SLC8B1: variants seen among roughly 807,000 people sequenced by gnomAD.
SLC8B1 encodes the protein mitochondrial sodium/calcium exchanger protein.
Under a neutral mutation model 63.4 loss-of-function variants are expected in SLC8B1, and 52 were observed. The observed-to-expected ratio is 0.82, with a 90% CI of 0.66 to 1.03. SLC8B1 has a LOEUF of 1.03. Ranked by LOEUF, SLC8B1 falls within the 50% of genes least tolerant of loss-of-function variation. The pLI is 0.00. For synonymous variants in SLC8B1, 336 were observed against 323.9 expected (o/e 1.04, Z -0.40); for missense variants, 657 against 741.7 (o/e 0.89, Z 1.33).
At position 113,307,478 on chromosome 12, in the gene SLC8B1, G is replaced by A. The variant is rs554734394; in HGVS notation, c.1411+213C>T. ...CATCCCCGCATCAGAGGGTGGGGAA[G>A]AGGCAGGGGCCTCTATAGAGTTTCT... On this transcript the variant is annotated intron_variant, in intron 13 of 15. Transcript: ENST00000680972. Among the ~76,000 whole-genome samples the A allele has an allele frequency of 2.0e-5, 3 of 152,338 alleles. No individual in the cohort carries two copies. In the East Asian group the frequency reaches 5.8e-4, roughly 29 times the overall value.
rs563600262 is a variant in SLC8B1, at chr12:113,305,352, C to G, written c.1493-967G>C. Among the ~76,000 whole-genome samples the G allele has an allele frequency of 3.9e-4, 59 of 152,362 alleles. No homozygotes were observed. Among genetic ancestry groups the G allele is most frequent in the Non-Finnish European group, 7.5e-4 (51 of 68,018 alleles). Reference sequence around the variant, plus strand: ...TGTCTCCGCAGTTAGCCTGTTTTGCCGGCCAACTGCTCACACTGCAGCCCC... The same window carrying G: ...TGTCTCCGCAGTTAGCCTGTTTTGCGGGCCAACTGCTCACACTGCAGCCCC... On this transcript the variant is annotated intron_variant, in intron 14 of 15. Coordinates refer to ENST00000680972, the MANE Select transcript of SLC8B1 (RefSeq NM_001358345.2). This position sits in a 1 kb window ranked among gnomAD's most constrained non-coding sequence, Gnocchi z 4.3.
At chr12:113,312,163 G>A (rs1382047291) in intron 11 of SLC8B1, among the ~76,000 whole-genome samples, 10 of 152,218 alleles carry the variant, frequency 6.6e-5, no homozygotes, top group Middle Eastern at 3.4e-3. Flanking sequence ...GCTGGGTGCG[G>A]TGGCTCACAC....
intron 15 of SLC8B1, among the ~76,000 whole-genome samples, chr12:113,300,550 A>G (rs1395928793): frequency 6.6e-6 from 1 of 152,228 alleles, no homozygotes; most frequent in Non-Finnish European, 1.5e-5. Flanking sequence ...TGAGGGCACC[A>G]GCTGGGGGCC....
chr12:113,301,602 G>A (rs532818551), intron 15 of SLC8B1, among the ~76,000 whole-genome samples: 1 of 152,174 alleles, frequency 6.6e-6, no homozygotes, highest in African/African-American at 2.4e-5. Context: ...GCCTCCCAAA[G>A]TGCTGGGATT....
intron 2 of SLC8B1, among the ~76,000 whole-genome samples, chr12:113,330,020 A>G (rs1436950951): frequency 6.6e-6 from 1 of 152,128 alleles, no homozygotes; most frequent in African/African-American, 2.4e-5. Context: ...TTCATAAGCC[A>G]TTCAGGTCTC....
At chr12:113,334,316 A>C (rs992017119) in intron 1 of SLC8B1, 127 bp downstream of exon 1, 1 of 152,180 alleles carries the variant, frequency 6.6e-6, no homozygotes, top group Non-Finnish European at 1.5e-5. Context: ...ACCAAACCCC[A>C]TAAAAACGTT....
At chr12:113,314,330 A>G (rs1454986179) in intron 11 of SLC8B1, among the ~76,000 whole-genome samples, 1 of 152,266 alleles carries the variant, frequency 6.6e-6, no homozygotes, top group African/African-American at 2.4e-5. Context: ...ACACTGTTAC[A>G]GCACACAACA....
chr12:113,321,270 C>T lies in SLC8B1; in HGVS notation c.235G>A (p.Gly79Arg), dbSNP rs747316753. The T allele has an allele frequency of 1.9e-6, 3 of 1,614,134 alleles. No individual in the cohort carries two copies. The highest frequency in any genetic ancestry group is 1.1e-5 in the South Asian group (1 of 91,082). Residue 79 changes from glycine to arginine, a missense_variant, in exon 3 of 16, where the codon GGG (glycine) becomes AGG (arginine). Transcript: ENST00000680972. ...ATGCCTTCCAGGTAGTCCAGGTACC[C>T]CCCATCACTGTGGCAGTCAGGGTTG... ...RTNPDCHSDG[G>R]YLDYLEGIFC...
At position 113,320,861 on chromosome 12, in the gene SLC8B1, G is replaced by A. The variant is rs767543657; in HGVS notation, c.409C>T (p.His137Tyr). 2 of 1,605,232 alleles carry A rather than the reference G, an allele frequency of 1.2e-6. No individual in the cohort carries two copies. The highest frequency in any genetic ancestry group is 2.2e-5 in the East Asian group (1 of 44,564). The change falls in exon 5 of 16, where the codon CAC (histidine) becomes TAC (tyrosine). Residue 137 changes from histidine to tyrosine, a missense_variant. Coordinates refer to ENST00000680972, the MANE Select transcript of SLC8B1 (RefSeq NM_001358345.2). The surrounding 1 kb of genome is among the most constrained non-coding windows in gnomAD (Gnocchi z 5.3). The stretch of plus-strand genomic sequence containing the variant: ...GGACAAAAGGATACTGCCACGTTGT[G>A]GGAGAGCTTCAGTGTGGTAGAAATG... ...SAISTTLKLSHNVAGVTFLAF... is the reference protein window; with the variant it reads ...SAISTTLKLSYNVAGVTFLAF...
At chr12:113,312,510 G>A (rs138013748) in intron 11 of SLC8B1, among the ~76,000 whole-genome samples, 157 of 152,230 alleles carry the variant, frequency 1.0e-3, no homozygotes, top group African/African-American at 3.7e-3. Context: ...ATGGCTCTTG[G>A]GGGACGCCTA....
rs1183537633 is a variant in SLC8B1, at chr12:113,305,075, G to A, written c.1493-690C>T. Among the ~76,000 whole-genome samples the A allele has an allele frequency of 1.3e-5, 2 of 152,222 alleles. No homozygotes were observed. The highest frequency in any genetic ancestry group is 3.8e-4 in the East Asian group (2 of 5,198). On this transcript the variant is annotated intron_variant, in intron 14 of 15. Transcript: ENST00000680972. The surrounding 1 kb of genome is among the most constrained non-coding windows in gnomAD (Gnocchi z 4.3). ...CCTTAGGGTGCCAGGAATGCTTGGCGCATGTAAGCACTCAGTAGGTGGGGA... is the reference window on the plus strand; with the variant it reads ...CCTTAGGGTGCCAGGAATGCTTGGCACATGTAAGCACTCAGTAGGTGGGGA...
chr12:113,327,586 G>A (rs1957010588), intron 2 of SLC8B1, among the ~76,000 whole-genome samples: 1 of 151,640 alleles, frequency 6.6e-6, no homozygotes, highest in African/African-American at 2.4e-5. Context: ...TCAGGAGGCT[G>A]AGGCAGAATA....
Position 113,301,801 on chromosome 12 carries a change from G to T in SLC8B1, c.1558-1827C>A, listed in dbSNP as rs570107850. Among the ~76,000 whole-genome samples the T allele has an allele frequency of 9.8e-5, 15 of 152,326 alleles. 1 individual carries two copies. The South Asian group carries it at 3.1e-3, about 32-fold the overall frequency. On this transcript the variant is annotated intron_variant, in intron 15 of 15. Transcript: ENST00000680972. ...TCCATTTTACAGATGAGGAAACCAA[G>T]ACCCTTAGACTTGACTGACTTGTCC...
chr12:113,311,527 G>C (rs907488811), intron 11 of SLC8B1, among the ~76,000 whole-genome samples: 2 of 151,832 alleles, frequency 1.3e-5, no homozygotes, highest in African/African-American at 4.8e-5. Context: ...GGCTGAAGTG[G>C]GAGGATCACT....
chr12:113,311,651 A>G (rs1268476536), intron 11 of SLC8B1, among the ~76,000 whole-genome samples: 2 of 151,634 alleles, frequency 1.3e-5, no homozygotes, highest in African/African-American at 4.8e-5. Flanking sequence ...TGGGCTGAAT[A>G]CACAAAATTG....
chr12:113,307,119 A>G (rs1012180375), intron 13 of SLC8B1, among the ~76,000 whole-genome samples: 1 of 111,072 alleles, frequency 9.0e-6, no homozygotes, highest in African/African-American at 3.8e-5. Flanking sequence ...TCAAAAAAAA[A>G]AAAAAAAAAA....
chr12:113,320,243 A>T lies in SLC8B1; in HGVS notation c.694+88T>A. ...AATCAAATCAAAGCCCCCACTGACCACCCCTCACACCTCTCTGTCCCAGGC... is the reference window on the plus strand; with the variant it reads ...AATCAAATCAAAGCCCCCACTGACCTCCCCTCACACCTCTCTGTCCCAGGC... On this transcript the variant is annotated intron_variant, in intron 7 of 15. Coordinates refer to ENST00000680972, the MANE Select transcript of SLC8B1 (RefSeq NM_001358345.2). The surrounding 1 kb of genome is among the most constrained non-coding windows in gnomAD (Gnocchi z 5.3). 1 of 1,457,660 alleles carries T rather than the reference A, an allele frequency of 6.9e-7. No homozygotes were observed. Among genetic ancestry groups the T allele is most frequent in the South Asian group, 1.3e-5 (1 of 75,576 alleles). 90.3% of individuals were successfully genotyped at this position (1,457,660 alleles called of 1,614,324 possible).
intron 13 of SLC8B1, chr12:113,306,935 A>C: frequency 3.0e-6 from 1 of 334,664 alleles, no homozygotes; most frequent in Non-Finnish European, 5.4e-6. Flanking sequence ...ACATGATGAA[A>C]CCTTGTCTCT....
rs773604940 is a variant in SLC8B1, at chr12:113,310,312, C to G, written c.1179G>C (p.Val393=). 2 of 1,614,128 alleles carry G rather than the reference C, an allele frequency of 1.2e-6. No homozygotes were observed. Among genetic ancestry groups the G allele is most frequent in the East Asian group, 2.2e-5 (1 of 44,872 alleles). The change falls in exon 12 of 16, where the codon GTG becomes GTC. Residue 393 remains valine (V), a synonymous_variant. Coordinates refer to ENST00000680972, the MANE Select transcript of SLC8B1 (RefSeq NM_001358345.2). ...EIGGLVPVWV[V]VVIAGTALAS... ...CCAAGGCTGTGCCTGCGATCACCAC[C>G]ACGACCCAGACGGGAACGAGGCCGC... is the stretch of plus-strand genomic sequence containing the variant.
Sources: gnomAD v4.1 joint callset for allele counts (sites outside exome capture counted in the v4.1 genomes callset) on GRCh38, gnomAD v4.1.1 for gene constraint, Gnocchi (gnomAD v3.1) non-coding constraint, MANE v1.5 for transcripts, NCBI Gene and HGNC (gene_info 2026-07-23, HGNC 2026-07-21) for gene names.